Variants in KIAA0586 observed in about 807,000 individuals in gnomAD.
The protein encoded by KIAA0586 is KIAA0586.
KIAA0586 carries 144 observed loss-of-function variants against 169.8 expected under a neutral mutation model. The ratio of observed to expected loss-of-function variants is 0.85; its 90% CI spans 0.74 to 0.97. The LOEUF (loss-of-function observed/expected upper bound fraction) is 0.97, where lower values mean the gene tolerates loss of function less well. KIAA0586 is among the 50% of genes least tolerant of loss of function. The pLI is 0.00. For synonymous variants in KIAA0586, 625 were observed against 612.4 expected, an observed-to-expected ratio of 1.02 and a Z score of -0.30; for missense variants, 1,854 against 1,823.0, an observed-to-expected ratio of 1.02 and a Z score of -0.31.
At chr14:58,513,878 T>C (rs1239036680) in intron 29 of KIAA0586, among the ~76,000 whole-genome samples, 1 of 152,082 alleles carries the variant, frequency 6.6e-6, no homozygotes, top group Non-Finnish European at 1.5e-5. Flanking sequence ...ATTATTTTTC[T>C]CAGCTGATAG....
chr14:58,434,235 GGTATTAAGAATACAGT>G (rs1336249291), intron 4 of KIAA0586, among the ~76,000 whole-genome samples: 1 of 152,086 alleles, frequency 6.6e-6, no homozygotes, highest in Non-Finnish European at 1.5e-5. Context: ...AGACTTAGAA[GGTATTAAGAATACAGT>G]GTATTAAGAA....
chr14:58,462,115 G>C (rs2040371400), intron 14 of KIAA0586, among the ~76,000 whole-genome samples: 1 of 152,144 alleles, frequency 6.6e-6, no homozygotes, highest in Admixed American at 6.5e-5. Flanking sequence ...TAAAGGTTAT[G>C]CAATCATATA....
At chr14:58,484,930 T>A (rs1483710868) in intron 21 of KIAA0586, among the ~76,000 whole-genome samples, 97 of 12,996 alleles carry the variant, frequency 7.5e-3, no homozygotes, top group Non-Finnish European at 0.013. Context: ...ATATATTTTT[T>A]TTTTTTTTTT....
intron 30 of KIAA0586, among the ~76,000 whole-genome samples, chr14:58,542,967 A>G (rs1213249862): frequency 1.3e-5 from 2 of 151,954 alleles, no homozygotes; most frequent in Non-Finnish European, 2.9e-5. Context: ...GTCTCTACTA[A>G]AAATACAAAA....
rs550953240 is a variant in KIAA0586 at position 58,430,438 on chromosome 14, C to G, written c.271-210C>G. Among the ~76,000 whole-genome samples the G allele has an allele frequency of 1.3e-3, 205 of 152,264 alleles. 1 individual carries two copies. The highest frequency in any genetic ancestry group is 2.1e-3 in the Non-Finnish European group (141 of 68,008). The stretch of plus-strand genomic sequence containing the variant: ...TTGCTGGTTCATTTACTCATTCATT[C>G]ACTTGTCTGATAGTGTATTACTCAC... On this transcript the variant is annotated intron_variant, in intron 2 of 30. Coordinates refer to ENST00000652326, the MANE Select transcript of KIAA0586 (RefSeq NM_001329943.3).
chr14:58,503,556 ACAATGATTTTTTTTCT>A (rs2041509234), intron 27 of KIAA0586, among the ~76,000 whole-genome samples: 1 of 152,226 alleles, frequency 6.6e-6, no homozygotes, highest in African/African-American at 2.4e-5. Flanking sequence ...GGCCCTGTTC[ACAATGATTTTTTTTCT>A]CTAGTAGACA....
rs186659284 is a variant in KIAA0586, at chr14:58,428,364, G to T, written c.100G>T (p.Val34Phe). The T allele has an allele frequency of 9.7e-4, 1,560 of 1,613,964 alleles. 20 individuals carry two copies. The Admixed American group carries it at 0.025, about 26-fold the overall frequency. The change falls in exon 1 of 31, where the codon GTT (valine) becomes TTT (phenylalanine). Residue 34 changes from valine to phenylalanine, a missense_variant. Val to Phe is a conservative substitution (Grantham distance 50). Transcript: ENST00000652326. ...TTCTCAAAATCATGGAGATCATTTG[G>T]TTTTGCTGAAAGATGAGTTGCCCTG... is the stretch of plus-strand genomic sequence containing the variant. ...VVSQNHGDHL[V>F]LLKDELPCVP...
intron 5 of KIAA0586, among the ~76,000 whole-genome samples, chr14:58,443,633 C>T (rs1219154118): frequency 1.3e-5 from 2 of 152,068 alleles, no homozygotes; most frequent in African/African-American, 2.4e-5. Context: ...CCGTGTTGGT[C>T]AGGATGGTCT....
chr14:58,507,194 T>A (rs1390187160), intron 27 of KIAA0586, among the ~76,000 whole-genome samples: 6 of 147,416 alleles, frequency 4.1e-5, no homozygotes, highest in African/African-American at 7.4e-5. Flanking sequence ...TGTATGATTT[T>A]TATATATATG....
At chr14:58,480,951 T>C (rs2041991856) in intron 20 of KIAA0586, among the ~76,000 whole-genome samples, 1 of 152,238 alleles carries the variant, frequency 6.6e-6, no homozygotes, top group South Asian at 2.1e-4. Flanking sequence ...AGATTTGTGT[T>C]TGCTTTTGTT....
In KIAA0586 at chr14:58,547,499, CGTTA is replaced by C. The variant is rs111307060; in HGVS notation, c.4496-281_4496-278del. On this transcript the variant is annotated intron_variant, in intron 30 of 30. Transcript: ENST00000652326. ...GATTTCAGAGACTAGGCCCTTAACC[CGTTA>C]CATTTGATCTTACTTAGCATTTATC... Among the ~76,000 whole-genome samples the C allele has an allele frequency of 0.016, 2,409 of 152,162 alleles. 72 individuals are homozygous for C. Among genetic ancestry groups the C allele is most frequent in the African/African-American group, 0.054 (2,253 of 41,512 alleles).
chr14:58,510,865 CAA>C (rs371975350), intron 28 of KIAA0586, among the ~76,000 whole-genome samples: 2 of 97,880 alleles, frequency 2.0e-5, no homozygotes, highest in African/African-American at 3.8e-5. Context: ...GAAGCCATAC[CAA>C]AAAAAAAAAA....
chr14:58,475,809 G>A (rs1396638507), intron 19 of KIAA0586, among the ~76,000 whole-genome samples: 1 of 152,096 alleles, frequency 6.6e-6, no homozygotes, highest in Non-Finnish European at 1.5e-5. Context: ...TTACTCAAAA[G>A]TAAGTAGGCA....
intron 23 of KIAA0586, 143 bp from the exon 24 acceptor site, chr14:58,488,478 A>T (rs2141199964): frequency 1.1e-6 from 1 of 900,604 alleles, no homozygotes; most frequent in East Asian, 2.6e-5. Flanking sequence ...AACAACTTTT[A>T]AAAATCTTGT....
intron 6 of KIAA0586, among the ~76,000 whole-genome samples, chr14:58,446,501 A>G (rs1332392210): frequency 6.6e-6 from 1 of 152,046 alleles, no homozygotes; most frequent in Non-Finnish European, 1.5e-5. Flanking sequence ...TATCTTAACA[A>G]CAACAACAAA....
At position 58,482,504 on chromosome 14, in the gene KIAA0586, T is replaced by TAA; in HGVS notation, c.2945-8_2945-7insAA. ...CCCACTTATTCTGATTTTTTTTTTT[T>TAA]ACTTTTAGTGGAAGGAACAAGCAGT... is the stretch of plus-strand genomic sequence containing the variant. On this transcript the variant is annotated splice_polypyrimidine_tract_variant and intron_variant, in intron 20 of 30. Coordinates refer to ENST00000652326, the MANE Select transcript of KIAA0586 (RefSeq NM_001329943.3). 6.8e-7 allele frequency: 1 copy of TAA among 1,462,616 alleles called. No individual in the cohort carries two copies. 90.6% of individuals were successfully genotyped at this position (1,462,616 alleles called of 1,614,324 possible). A position where few individuals can be genotyped will look rare whatever the true frequency, so the allele number is the denominator to read the frequency against.
intron 29 of KIAA0586, among the ~76,000 whole-genome samples, chr14:58,535,770 G>A (rs1456237768): frequency 6.7e-6 from 1 of 148,898 alleles, no homozygotes; most frequent in Non-Finnish European, 1.5e-5. Context: ...ACTAATTTTA[G>A]ATGTCTCCTT....
intron 1 of KIAA0586, 57 bp from the exon 2 acceptor site, chr14:58,429,306 T>C (rs1362664885): frequency 4.7e-6 from 5 of 1,066,506 alleles, no homozygotes; most frequent in Non-Finnish European, 7.3e-6. Flanking sequence ...ATATACAGTT[T>C]CTAAAGCTAA....
At chr14:58,459,405 A>G (rs1045621684) in intron 12 of KIAA0586, among the ~76,000 whole-genome samples, 6 of 152,154 alleles carry the variant, frequency 3.9e-5, no homozygotes, top group Admixed American at 1.3e-4. Context: ...CTCTTTTGCA[A>G]TGAATCCCAT....
Sources: allele counts gnomAD v4.1 joint callset (sites outside exome capture counted in the v4.1 genomes callset), GRCh38; gene constraint gnomAD v4.1.1; transcripts MANE v1.5; gene names NCBI Gene and HGNC (gene_info 2026-07-23, HGNC 2026-07-21).